Variants in MYO15A observed in about 807,000 individuals in gnomAD.
MYO15A encodes the protein myosin XVA, also known as unconventional myosin-XV.
A neutral mutation model predicts 394.6 loss-of-function variants in MYO15A; 308 were observed. That is an observed-to-expected ratio of 0.78 (90% CI 0.71 to 0.86). MYO15A has a LOEUF of 0.86. Among genes scored for constraint, MYO15A ranks in the 40% least tolerant of loss-of-function variants. The pLI, the probability that MYO15A is intolerant of heterozygous loss-of-function variation, is 0.00. For synonymous variants in MYO15A, 1,957 were observed against 2,003.8 expected (o/e 0.98, Z 0.62); for missense variants, 4,606 against 4,799.1 (o/e 0.96, Z 1.19).
Position 18,148,138 on chromosome 17 carries a change from C to T in MYO15A, c.6619C>T (p.Pro2207Ser). ...QQGSGAARTL[P>S]PTQLEWTATY... ...GGGCTCGGGGGCTGCCCGCACCTTA[C>T]CCCCGACCCAGCTCGAGTGGACAGC... Residue 2207 changes from proline (P) to serine (S), a missense_variant, in exon 31 of 66, where the codon CCC (proline) becomes TCC (serine). Pro to Ser is a moderately conservative substitution (Grantham distance 74, BLOSUM62 -1). This residue lies in a region of MYO15A where 2,776 missense variants were observed against 3,109.3 expected (regional missense o/e 0.89). Coordinates refer to ENST00000647165, the MANE Select transcript of MYO15A (RefSeq NM_016239.4). The surrounding 1 kb of genome is among the most constrained non-coding windows in gnomAD (Gnocchi z 4.8). The T allele has an allele frequency of 1.9e-6, 3 of 1,613,840 alleles. No individual in the cohort carries two copies. The highest frequency in any genetic ancestry group is 2.5e-6 in the Non-Finnish European group (3 of 1,180,018).
Position 18,136,698 on chromosome 17 carries a change from T to G in MYO15A, c.4779+12T>G. ...TCTATGGTTTCGAGGTGGGGCCGTGTAGGAGGCTGAGGGGCGGGGGACATA... is the reference window on the plus strand; with the variant it reads ...TCTATGGTTTCGAGGTGGGGCCGTGGAGGAGGCTGAGGGGCGGGGGACATA... On this transcript the variant is annotated intron_variant, in intron 15 of 65. Transcript: ENST00000647165. 6.3e-7 allele frequency: 1 copy of G among 1,591,516 alleles called. No homozygotes were observed. The highest frequency in any genetic ancestry group is 8.5e-7 in the Non-Finnish European group (1 of 1,171,894).
rs2046392476 is a variant in MYO15A at position 18,142,102 on chromosome 17, C to T, written c.5673C>T (p.Tyr1891=). The change falls in exon 24 of 66, where the codon TAC becomes TAT. Residue 1891 remains tyrosine, a synonymous_variant. Coordinates refer to ENST00000647165, the MANE Select transcript of MYO15A (RefSeq NM_016239.4). ...AGCTGTTCCTTAAGGAACACCTATA[C>T]CAGCTGCTGGAGAGTATGCGAGAGC... ...VSKLFLKEHL[Y]QLLESMREHV... 3 of 1,613,312 alleles carry T rather than the reference C, an allele frequency of 1.9e-6. No individual in the cohort carries two copies. Among genetic ancestry groups the T allele is most frequent in the Non-Finnish European group, 2.5e-6 (3 of 1,180,032 alleles).
In MYO15A at chr17:18,118,826, A is replaced by G. The variant is rs758335963; in HGVS notation, c.26A>G (p.Lys9Arg). The G allele has an allele frequency of 1.5e-5, 24 of 1,609,576 alleles. No homozygotes were observed. The South Asian group carries it at 2.7e-4, about 18-fold the overall frequency. ...ATGGCGAAGGAGGAAGATGAGGAGA[A>G]GAAAGCCAAGAAAGGGAAGAAGGGG... is the stretch of plus-strand genomic sequence containing the variant. The part of the protein sequence containing the change: MAKEEDEE[K>R]KAKKGKKGKK... Residue 9 changes from lysine (K) to arginine (R), a missense_variant, in exon 2 of 66, where the codon AAG becomes AGG. Lys to Arg is a conservative substitution (Grantham distance 26). Transcript: ENST00000647165.
intron 7 of MYO15A, among the ~76,000 whole-genome samples, chr17:18,128,655 C>T (rs900543481): frequency 2.0e-5 from 3 of 152,198 alleles, no homozygotes; most frequent in South Asian, 2.1e-4. Flanking sequence ...AAGTGTACCT[C>T]GTGCACCTCC....
At position 18,119,451 on chromosome 17, in the gene MYO15A, G is replaced by A. The variant is rs778745402; in HGVS notation, c.651G>A (p.Ser217=). ...AGGACGAGGCCCCATTCCATCACTC[G>A]GGCTCCCGCAAGTCGCTGTACGGGC... ...PFEDEAPFHH[S]GSRKSLYGLE... Residue 217 remains serine, a synonymous_variant, in exon 2 of 66, where the codon TCG becomes TCA. Coordinates refer to ENST00000647165, the MANE Select transcript of MYO15A (RefSeq NM_016239.4). 6 of 1,612,586 alleles carry A rather than the reference G, an allele frequency of 3.7e-6. No homozygotes were observed. The highest frequency in any genetic ancestry group is 1.7e-5 in the Admixed American group (1 of 60,032).
chr17:18,156,700 G>A lies in MYO15A; in HGVS notation c.8602-254G>A, dbSNP rs543596520. 9.8e-5 allele frequency among the ~76,000 whole-genome samples: 15 copies of A among 152,316 alleles called. 1 individual carries two copies. The highest frequency in any genetic ancestry group is 7.2e-4 in the Admixed American group (11 of 15,308). ...CAGGTCATCTCTGTGCCCCAGGCCC[G>A]AGGAAGACTTCAGCAGGAAAGTCTG... On this transcript the variant is annotated intron_variant, in intron 48 of 65. Transcript: ENST00000647165.
At chr17:18,175,878 C>T (rs141795419) in intron 65 of MYO15A, among the ~76,000 whole-genome samples, 2 of 152,270 alleles carry the variant, frequency 1.3e-5, no homozygotes, top group African/African-American at 4.8e-5. Context: ...CCACCTCCCC[C>T]ATCTCTGCTC....
intron 62 of MYO15A, among the ~76,000 whole-genome samples, chr17:18,170,718 C>A (rs2046927836): frequency 1.3e-5 from 2 of 152,104 alleles, no homozygotes. Flanking sequence ...GAGCAGGAAG[C>A]ACATAAAGAT....
At chr17:18,162,036 G>C (rs955177827) in intron 57 of MYO15A, among the ~76,000 whole-genome samples, 3 of 152,172 alleles carry the variant, frequency 2.0e-5, no homozygotes, top group African/African-American at 7.2e-5. Context: ...GCTTCTCTCT[G>C]ATTCAATTAA....
In MYO15A at chr17:18,120,846, G is replaced by A. The variant is rs1284228904; in HGVS notation, c.2046G>A (p.Pro682=). ...SGPPPAPPLS[P]ALSGLPRPAS... The stretch of plus-strand genomic sequence containing the variant: ...CCCCGCCCGCGCCGCCGCTCTCCCC[G>A]GCGCTCTCGGGCCTGCCCCGGCCGG... The change falls in exon 2 of 66, where the codon CCG becomes CCA. Residue 682 remains proline, a synonymous_variant. Transcript: ENST00000647165. 1.7e-6 allele frequency: 2 copies of A among 1,190,186 alleles called. No individual in the cohort carries two copies. The highest frequency in any genetic ancestry group is 2.1e-6 in the Non-Finnish European group (2 of 959,516). The allele number at this position is 1,190,186 out of a possible 1,614,324, so 73.7% of individuals were successfully genotyped here.
At chr17:18,151,035 T>A in intron 38 of MYO15A, 75 bp from the exon 39 acceptor site, 1 of 1,609,424 alleles carries the variant, frequency 6.2e-7, no homozygotes, top group South Asian at 1.1e-5. Context: ...AACCCATCTC[T>A]GACAGAGATC....
Position 18,150,938 on chromosome 17 carries a change from A to T in MYO15A, c.7473+25A>T. The stretch of plus-strand genomic sequence containing the variant: ...GGTGAGCCTGGCCTGCCCAGGGTGC[A>T]GGGGTTGCTTGGAGACACAAGCTGT... On this transcript the variant is annotated intron_variant, in intron 38 of 65. Coordinates refer to ENST00000647165, the MANE Select transcript of MYO15A (RefSeq NM_016239.4). This position sits in a 1 kb window ranked among gnomAD's most constrained non-coding sequence, Gnocchi z 4.4. The T allele has an allele frequency of 1.2e-6, 2 of 1,609,128 alleles. No homozygotes were observed. Among genetic ancestry groups the T allele is most frequent in the Non-Finnish European group, 8.5e-7 (1 of 1,178,406 alleles).
In MYO15A at chr17:18,150,684, C is replaced by T. The variant is rs766421809; in HGVS notation, c.7328-14C>T. The T allele has an allele frequency of 1.1e-4, 170 of 1,590,104 alleles. No homozygotes were observed. Among genetic ancestry groups the T allele is most frequent in the Non-Finnish European group, 1.4e-4 (168 of 1,166,996 alleles). ...TCTCCGGTGCCATCTGTGCCTTCTG[C>T]CCCCTCCCCTCAGTCCCAGGCCTGG... On this transcript the variant is annotated splice_polypyrimidine_tract_variant and intron_variant, in intron 36 of 65. Coordinates refer to ENST00000647165, the MANE Select transcript of MYO15A (RefSeq NM_016239.4). The surrounding 1 kb of genome is among the most constrained non-coding windows in gnomAD (Gnocchi z 4.4).
Position 18,156,309 on chromosome 17 carries a change from A to G in MYO15A, c.8574A>G (p.Val2858=), listed in dbSNP as rs1198505043. Reference sequence around the variant, plus strand: ...GAGCGCACCAGGTCAAGACCCTGGTAGATGACTTCATCTTGGAGCTGAAGA... The same window carrying G: ...GAGCGCACCAGGTCAAGACCCTGGTGGATGACTTCATCTTGGAGCTGAAGA... The part of the protein sequence containing the change: ...SARAHQVKTL[V]DDFILELKKD... The change falls in exon 48 of 66, where the codon GTA becomes GTG. Residue 2858 remains valine (V), a synonymous_variant. Transcript: ENST00000647165. The G allele has an allele frequency of 1.2e-6, 2 of 1,614,166 alleles. No individual in the cohort carries two copies. Among genetic ancestry groups the G allele is most frequent in the Non-Finnish European group, 1.7e-6 (2 of 1,180,020 alleles).
At chr17:18,175,062 T>C (rs1262238679) in intron 65 of MYO15A, among the ~76,000 whole-genome samples, 7 of 150,576 alleles carry the variant, frequency 4.6e-5, no homozygotes. Context: ...GCAATGGCTC[T>C]GTGGTGTTCT....
intron 65 of MYO15A, among the ~76,000 whole-genome samples, chr17:18,174,974 G>C (rs1231971847): frequency 1.3e-5 from 2 of 152,022 alleles, no homozygotes; most frequent in Non-Finnish European, 2.9e-5. Context: ...GGGTCCTAAT[G>C]CACTCCTCAC....
In MYO15A at chr17:18,122,094, G is replaced by T; in HGVS notation, c.3294G>T (p.Glu1098Asp). The T allele has an allele frequency of 6.2e-7, 1 of 1,612,838 alleles. No homozygotes were observed. Among genetic ancestry groups the T allele is most frequent in the Non-Finnish European group, 8.5e-7 (1 of 1,179,954 alleles). Residue 1098 changes from glutamate to aspartate, a missense_variant, in exon 2 of 66, where the codon GAG becomes GAT. Glu to Asp is a conservative substitution (Grantham distance 45). Around this residue, in one of 2 missense-constraint regions of MYO15A, gnomAD observed 1,830 missense variants for 1,689.7 expected, o/e 1.08. Coordinates refer to ENST00000647165, the MANE Select transcript of MYO15A (RefSeq NM_016239.4). ...AAPLAPIRAP[E>D]PLPKGGERRQ... ...CCTTGGCGCCCATCAGGGCCCCAGA[G>T]CCCCTGCCCAAGGGGGGTGAACGGC... is the stretch of plus-strand genomic sequence containing the variant.
chr17:18,163,931 T>A (rs1289833406), intron 60 of MYO15A, 93 bp downstream of exon 60: 1 of 1,304,204 alleles, frequency 7.7e-7, no homozygotes, highest in Non-Finnish European at 1.1e-6. Flanking sequence ...AGGGCCCAAG[T>A]CAGGTGCCAC....
rs758108188 is a variant in MYO15A at position 18,132,532 on chromosome 17, T to C, written c.4286T>C (p.Leu1429Pro). ...GCCCAGCTCAGGCAGGCCTTTAGCC[T>C]GCAAGAGGCTGAGACCTACTACTAT... is the stretch of plus-strand genomic sequence containing the variant. ...LPAQLRQAFS[L>P]QEAETYYYLN... The change falls in exon 11 of 66, where the codon CTG becomes CCG. Residue 1429 changes from leucine to proline, a missense_variant. Leu to Pro is a moderately conservative substitution (Grantham distance 98, BLOSUM62 -3). Transcript: ENST00000647165. The surrounding 1 kb of genome is among the most constrained non-coding windows in gnomAD (Gnocchi z 4.6). 3 of 1,613,092 alleles carry C rather than the reference T, an allele frequency of 1.9e-6. No individual in the cohort carries two copies. In the African/African-American group the frequency reaches 4.0e-5, roughly 22 times the overall value.
Sources: allele counts gnomAD v4.1 joint callset (sites outside exome capture counted in the v4.1 genomes callset), GRCh38; gene constraint gnomAD v4.1.1; regional missense constraint gnomAD v4.1.1; non-coding constraint Gnocchi (gnomAD v3.1); transcripts MANE v1.5; gene names NCBI Gene and HGNC (gene_info 2026-07-23, HGNC 2026-07-21).